Variants in SLC10A6 observed in about 807,000 individuals in gnomAD.
SLC10A6 encodes solute carrier family 10 member 6, also known as sodium-dependent organic anion transporter.
In SLC10A6, 27 loss-of-function variants were observed where a neutral mutation model predicts 30.0. That is an observed-to-expected ratio of 0.90 (90% CI 0.66 to 1.24). SLC10A6 has a LOEUF of 1.24. SLC10A6 is among the 50% of genes most tolerant of loss of function. The probability of loss-of-function intolerance (pLI) is 0.00; values close to 1 mark genes in which losing one functional copy is unlikely to be tolerated. For synonymous variants in SLC10A6, 166 were observed against 173.8 expected (o/e 0.95, Z 0.36); for missense variants, 439 against 457.0 (o/e 0.96, Z 0.36).
chr4:86,846,731 T>C (rs1459344529), intron 1 of SLC10A6, among the ~76,000 whole-genome samples: 9 of 152,230 alleles, frequency 5.9e-5, no homozygotes, highest in South Asian at 2.1e-4. Context: ...CACCCCAAAC[T>C]ATTATCTATA....
At chr4:86,833,064 G>T (rs117251538) in intron 2 of SLC10A6, among the ~76,000 whole-genome samples, 1 of 151,802 alleles carries the variant, frequency 6.6e-6, no homozygotes, top group Non-Finnish European at 1.5e-5. Flanking sequence ...TCAGATTCCC[G>T]GGTTAGAACT....
At chr4:86,832,550 G>A (rs747937205) in intron 2 of SLC10A6, among the ~76,000 whole-genome samples, 4 of 151,006 alleles carry the variant, frequency 2.6e-5, no homozygotes, top group African/African-American at 7.3e-5. Context: ...GAGATTGCAC[G>A]ACTGCACTCC....
At chr4:86,825,294 A>T in intron 5 of SLC10A6, 126 bp downstream of exon 5, 1 of 820,212 alleles carries the variant, frequency 1.2e-6, no homozygotes, top group East Asian at 2.5e-5. Flanking sequence ...CGTCCCCAGA[A>T]ATGTCAGGCT....
Position 86,823,714 on chromosome 4 carries a change from C to T in SLC10A6, c.1108G>A (p.Val370Ile), listed in dbSNP as rs773404235. ...PMDCHRALEP[V>I]GHITSCE ...TATTCACATGAAGTGATGTGGCCAACTGGCTCGAGAGCCCTGTGGCAATCC... is the reference window on the plus strand; with the variant it reads ...TATTCACATGAAGTGATGTGGCCAATTGGCTCGAGAGCCCTGTGGCAATCC... Residue 370 changes from valine to isoleucine, a missense_variant, in exon 6 of 6, where the codon GTT becomes ATT. By Grantham distance (29) the Val-to-Ile change is conservative (BLOSUM62 3). Transcript: ENST00000273905. 7 of 1,611,710 alleles carry T rather than the reference C, an allele frequency of 4.3e-6. No homozygotes were observed. In the Admixed American group the frequency reaches 8.4e-5, roughly 19 times the overall value.
At position 86,823,609 on chromosome 4, in the gene SLC10A6, C is replaced by T; in HGVS notation, c.*79G>A. Reference sequence around the variant, plus strand: ...TAAATATTCACACTGGCCCTACCAACAAGATTCATGTGTCAGCTGCACACT... The same window carrying T: ...TAAATATTCACACTGGCCCTACCAATAAGATTCATGTGTCAGCTGCACACT... On this transcript the variant is annotated 3_prime_UTR_variant, in exon 6 of 6. Transcript: ENST00000273905. The T allele has an allele frequency of 8.6e-7, 1 of 1,164,738 alleles. No individual in the cohort carries two copies. The allele number at this position is 1,164,738 out of a possible 1,614,324, so 72.2% of individuals were successfully genotyped here. A position where few individuals can be genotyped will look rare whatever the true frequency, so the allele number is the denominator to read the frequency against.
chr4:86,838,398 C>T (rs1306455418), intron 1 of SLC10A6, among the ~76,000 whole-genome samples: 2 of 152,160 alleles, frequency 1.3e-5, no homozygotes, highest in African/African-American at 2.4e-5. Context: ...CATAGTCTCA[C>T]GCTGCAGCAT....
chr4:86,831,736 G>A (rs1046946066), intron 3 of SLC10A6, 56 bp downstream of exon 3: 50 of 1,441,690 alleles, frequency 3.5e-5, no homozygotes, highest in African/African-American at 5.6e-5. Context: ...GCTCACTTCT[G>A]TCTTTCAGGC....
chr4:86,841,609 C>G (rs1309791218), intron 1 of SLC10A6, among the ~76,000 whole-genome samples: 9 of 152,166 alleles, frequency 5.9e-5, no homozygotes, highest in Non-Finnish European at 1.2e-4. Context: ...TTCAGCAAGT[C>G]TAGACAAACA....
At chr4:86,842,874 C>CTTTCTTTCTTTCTTTCTTTCTT (rs1560461934) in intron 1 of SLC10A6, among the ~76,000 whole-genome samples, 3 of 42,790 alleles carry the variant, frequency 7.0e-5, no homozygotes, top group South Asian at 4.8e-4. Context: ...TTCTTTCTTT[C>CTTTCTTTCTTTCTTTCTTTCTT]TTTTTTTTTT....
At chr4:86,834,287 G>GC (rs566681684) in intron 1 of SLC10A6, among the ~76,000 whole-genome samples, 95 of 152,142 alleles carry the variant, frequency 6.2e-4, no homozygotes, top group African/African-American at 2.1e-3. Context: ...TCTTCATGAG[G>GC]CCCTCACCAG....
intron 1 of SLC10A6, among the ~76,000 whole-genome samples, chr4:86,837,289 G>GAGAGAAAGAGAGAA (rs1560460376): frequency 1.2e-5 from 1 of 86,058 alleles, no homozygotes; most frequent in African/African-American, 5.1e-5. Context: ...GAAAGAAAAA[G>GAGAGAAAGAGAGAA]AAAGGAAGGA....
intron 1 of SLC10A6, among the ~76,000 whole-genome samples, chr4:86,837,290 A>AAAGAAAGAGAAAGAAAGG (rs1746211407): frequency 1.6e-5 from 1 of 62,736 alleles, no homozygotes; most frequent in South Asian, 5.6e-4. Context: ...AAAGAAAAAG[A>AAAGAAAGAGAAAGAAAGG]AAGGAAGGAA....
intron 1 of SLC10A6, among the ~76,000 whole-genome samples, chr4:86,838,507 C>T (rs1183700671): frequency 7.2e-5 from 11 of 152,304 alleles, no homozygotes; most frequent in East Asian, 5.8e-4. Flanking sequence ...TCTCTGTCTC[C>T]GTCATATGTC....
intron 1 of SLC10A6, among the ~76,000 whole-genome samples, chr4:86,839,344 G>A (rs1004075289): frequency 1.3e-4 from 19 of 151,714 alleles, no homozygotes; most frequent in Non-Finnish European, 2.5e-4. Context: ...CCAGCTACTC[G>A]GGAGGCTGAG....
intron 5 of SLC10A6, 117 bp from the exon 6 acceptor site, chr4:86,824,019 A>C: frequency 1.2e-6 from 1 of 860,284 alleles, no homozygotes; most frequent in Non-Finnish European, 1.8e-6. Context: ...GTATGTATAA[A>C]CACCCAGGGA....
chr4:86,832,686 C>T (rs1220180196), intron 2 of SLC10A6, among the ~76,000 whole-genome samples: 1 of 152,002 alleles, frequency 6.6e-6, no homozygotes, highest in African/African-American at 2.4e-5. Flanking sequence ...CTCTTCTAAG[C>T]TTGCTAAACC....
At chr4:86,842,875 T>TTTCTTTCTTTCTTTCTTTCTTTCTTTC in intron 1 of SLC10A6, among the ~76,000 whole-genome samples, 1 of 86,828 alleles carries the variant, frequency 1.2e-5, no homozygotes, top group Non-Finnish European at 2.1e-5. Context: ...TCTTTCTTTC[T>TTTCTTTCTTTCTTTCTTTCTTTCTTTC]TTTTTTTTTT....
rs375523867 is a variant in SLC10A6, at chr4:86,825,586, A to G, written c.762-9T>C. On this transcript the variant is annotated splice_polypyrimidine_tract_variant and intron_variant, in intron 4 of 5. Coordinates refer to ENST00000273905, the MANE Select transcript of SLC10A6 (RefSeq NM_197965.3). ...AGGAAATTGTCCTGCACCTACCAAA[A>G]AGAAAATGTTTCAAGAGTAACGCAC... 9 of 1,575,848 alleles carry G rather than the reference A, an allele frequency of 5.7e-6. No individual in the cohort carries two copies. In the African/African-American group the frequency reaches 1.1e-4, roughly 19 times the overall value.
intron 1 of SLC10A6, among the ~76,000 whole-genome samples, chr4:86,837,225 G>GAGAAAGAAAGAAAGAAAGAAAGAA (rs530121412): frequency 1.8e-4 from 7 of 39,134 alleles, no homozygotes; most frequent in Non-Finnish European, 2.3e-4. Flanking sequence ...GAGAGAGAGA[G>GAGAAAGAAAGAAAGAAAGAAAGAA]AGAAAGAAAG....
Sources: allele counts gnomAD v4.1 joint callset (sites outside exome capture counted in the v4.1 genomes callset), GRCh38; gene constraint gnomAD v4.1.1; transcripts MANE v1.5; gene names NCBI Gene and HGNC (gene_info 2026-07-23, HGNC 2026-07-21).